The following ASAH2 variants were observed in gnomAD, a reference collection of about 807,000 sequenced individuals.
The protein encoded by ASAH2 is N-acylsphingosine amidohydrolase 2.
A neutral mutation model predicts 82.9 loss-of-function variants in ASAH2; 58 were observed. That is an observed-to-expected ratio of 0.70 (90% CI 0.57 to 0.87). ASAH2 has a LOEUF of 0.87. ASAH2 is among the 40% of genes least tolerant of loss of function. The pLI is 0.00. For missense variants in ASAH2, 779 were observed against 834.0 expected, an observed-to-expected ratio of 0.93 and a Z score of 0.81; for synonymous variants, 276 against 289.7, an observed-to-expected ratio of 0.95 and a Z score of 0.48.
At chr10:50,226,076 G>A (rs1181967454) in intron 7 of ASAH2, among the ~76,000 whole-genome samples, 1 of 151,338 alleles carries the variant, frequency 6.6e-6, no homozygotes, top group Non-Finnish European at 1.5e-5. Flanking sequence ...CTGGGCAACA[G>A]AGCAAGACTC....
chr10:50,210,704 C>T, intron 12 of ASAH2, 119 bp downstream of exon 12: 2 of 968,964 alleles, frequency 2.1e-6, no homozygotes, highest in Non-Finnish European at 3.3e-6. Context: ...ACCTGGAAAA[C>T]CAGCAGACCC....
At chr10:50,245,158 C>T (rs1846413619) in intron 3 of ASAH2, 64 bp downstream of exon 3, 1 of 1,298,994 alleles carries the variant, frequency 7.7e-7, no homozygotes, top group Non-Finnish European at 1.1e-6. Flanking sequence ...GAAATGAATG[C>T]AGGTTGTAAA....
At chr10:50,219,057 C>T (rs1040941579) in intron 7 of ASAH2, among the ~76,000 whole-genome samples, 7 of 152,144 alleles carry the variant, frequency 4.6e-5, no homozygotes, top group Middle Eastern at 3.2e-3. Context: ...AGAATCTCAC[C>T]AAAGACACAG....
intron 8 of ASAH2, among the ~76,000 whole-genome samples, chr10:50,217,448 C>A (rs891355954): frequency 6.6e-6 from 1 of 152,042 alleles, no homozygotes; most frequent in Admixed American, 6.5e-5. Flanking sequence ...AGGCTGGTCT[C>A]GAACTCCTGA....
At position 50,227,069 on chromosome 10, in the gene ASAH2, T is replaced by C. The variant is rs1197594313; in HGVS notation, c.893+6115A>G. ...CACAAAGTGAGGAGATACAGAAAAG[T>C]TCAGATATAATAATCACAATTCCTG... On this transcript the variant is annotated intron_variant, in intron 7 of 20. Coordinates refer to ENST00000682911, the MANE Select transcript of ASAH2 (RefSeq NM_019893.4). 7.2e-5 allele frequency among the ~76,000 whole-genome samples: 11 copies of C among 152,080 alleles called. No homozygotes were observed. In the East Asian group the frequency reaches 2.1e-3, roughly 29 times the overall value.
At chr10:50,230,494 C>T (rs887900318) in intron 7 of ASAH2, among the ~76,000 whole-genome samples, 4 of 152,084 alleles carry the variant, frequency 2.6e-5, no homozygotes, top group Non-Finnish European at 2.9e-5. Context: ...TCATTTTTAA[C>T]GTATTCAAAG....
At chr10:50,218,397 T>G in intron 8 of ASAH2, 113 bp downstream of exon 8, 53 of 1,433,544 alleles carry the variant, frequency 3.7e-5, no homozygotes, top group Non-Finnish European at 4.6e-5. Context: ...TACCAATATG[T>G]GAGATTGATG....
At chr10:50,240,518 C>T (rs1342221394) in intron 4 of ASAH2, 2 of 702,276 alleles carry the variant, frequency 2.8e-6, no homozygotes, top group Admixed American at 2.0e-5. Context: ...TTACATCACT[C>T]CGCCACTCAG....
chr10:50,209,188 T>C (rs1276312032), intron 12 of ASAH2, among the ~76,000 whole-genome samples: 1 of 152,054 alleles, frequency 6.6e-6, no homozygotes, highest in East Asian at 1.9e-4. Context: ...AAAAATCTTA[T>C]AAGAAAATAG....
intron 4 of ASAH2, among the ~76,000 whole-genome samples, chr10:50,237,982 C>T (rs1251710030): frequency 6.6e-6 from 1 of 152,030 alleles, no homozygotes; most frequent in Non-Finnish European, 1.5e-5. Flanking sequence ...AAGTGTCAAA[C>T]CCAAAGCAAT....
intron 12 of ASAH2, among the ~76,000 whole-genome samples, chr10:50,207,036 C>T (rs1845318332): frequency 1.3e-5 from 2 of 151,870 alleles, no homozygotes; most frequent in Non-Finnish European, 2.9e-5. Context: ...AATGGAGAAG[C>T]TTGCAAATAT....
chr10:50,241,647 C>T (rs1282659535), intron 4 of ASAH2, among the ~76,000 whole-genome samples: 1 of 152,144 alleles, frequency 6.6e-6, no homozygotes, highest in Non-Finnish European at 1.5e-5. Context: ...CCCAAATGTC[C>T]ATCCATGATA....
At chr10:50,195,118 G>C (rs1353630143) in intron 18 of ASAH2, among the ~76,000 whole-genome samples, 1 of 149,888 alleles carries the variant, frequency 6.7e-6, no homozygotes, top group African/African-American at 2.4e-5. Flanking sequence ...CTAAAGAATG[G>C]GAGAAAACAC....
At chr10:50,214,143 A>G (rs1377573237) in intron 9 of ASAH2, among the ~76,000 whole-genome samples, 2 of 152,180 alleles carry the variant, frequency 1.3e-5, no homozygotes, top group Non-Finnish European at 2.9e-5. Flanking sequence ...AAAACTCAAA[A>G]TCCATAAATA....
At chr10:50,200,016 C>A (rs1845098182) in intron 16 of ASAH2, among the ~76,000 whole-genome samples, 1 of 150,956 alleles carries the variant, frequency 6.6e-6, no homozygotes, top group Non-Finnish European at 1.5e-5. Flanking sequence ...CAGATTATTT[C>A]ATCATCCAGG....
chr10:50,246,540 T>C (rs1846463592), intron 2 of ASAH2, among the ~76,000 whole-genome samples: 1 of 152,194 alleles, frequency 6.6e-6, no homozygotes. Flanking sequence ...GCTGATTCTT[T>C]CTGAAATCCT....
Position 50,245,461 on chromosome 10 carries a change from C to T in ASAH2, c.128-7G>A, listed in dbSNP as rs372733179. 1 of 1,606,878 alleles carries T rather than the reference C, an allele frequency of 6.2e-7. No individual in the cohort carries two copies. The highest frequency in any genetic ancestry group is 1.8e-4 in the Middle Eastern group (1 of 5,672). On this transcript the variant is annotated splice_region_variant and splice_polypyrimidine_tract_variant and intron_variant, in intron 2 of 20. Transcript: ENST00000682911. ...AAAAAATGGCCTCCTAAATCTAAAACAGAATAAGAGATTTGAGAAACAACA... is the reference window on the plus strand; with the variant it reads ...AAAAAATGGCCTCCTAAATCTAAAATAGAATAAGAGATTTGAGAAACAACA...
At chr10:50,203,711 T>C in intron 14 of ASAH2, 32 bp from the exon 15 acceptor site, 1 of 1,604,760 alleles carries the variant, frequency 6.2e-7, no homozygotes, top group South Asian at 1.1e-5. Flanking sequence ...GTAAACGTTT[T>C]CCTACTAGAC....
At chr10:50,188,344 CAG>C (rs1238321834) in intron 20 of ASAH2, among the ~76,000 whole-genome samples, 12 of 151,558 alleles carry the variant, frequency 7.9e-5, no homozygotes, top group Admixed American at 5.9e-4. Flanking sequence ...CAGATCACAG[CAG>C]AGAGTTCAGA....
Sources: allele counts gnomAD v4.1 joint callset (sites outside exome capture counted in the v4.1 genomes callset), GRCh38; gene constraint gnomAD v4.1.1; transcripts MANE v1.5; gene names NCBI Gene and HGNC (gene_info 2026-07-23, HGNC 2026-07-21).